Variants in TMPRSS6 observed in about 807,000 individuals in gnomAD.
TMPRSS6 encodes transmembrane protease serine 6.
A neutral mutation model predicts 101.5 loss-of-function variants in TMPRSS6; 67 were observed. That is an observed-to-expected ratio of 0.66 (90% confidence interval 0.54 to 0.81). The LOEUF (loss-of-function observed/expected upper bound fraction) is 0.81. Among genes scored for constraint, TMPRSS6 ranks in the 30% least tolerant of loss-of-function variants. The pLI, the probability that TMPRSS6 is intolerant of heterozygous loss-of-function variation, is 0.00. For synonymous variants in TMPRSS6, 453 were observed against 464.9 expected (o/e 0.97, Z 0.33); for missense variants, 1,034 against 1,088.7 (o/e 0.95, Z 0.71).
chr22:37,075,586 G>T (rs1257431866), intron 10 of TMPRSS6, among the ~76,000 whole-genome samples: 1 of 152,194 alleles, frequency 6.6e-6, no homozygotes, highest in African/African-American at 2.4e-5. Context: ...CCTTCTTTGA[G>T]CCTCACCTTC....
intron 1 of TMPRSS6, among the ~76,000 whole-genome samples, chr22:37,105,943 C>A (rs1370195550): frequency 6.6e-6 from 1 of 152,170 alleles, no homozygotes; most frequent in Admixed American, 6.5e-5. Flanking sequence ...AGCCACCATA[C>A]CTGGCCCTGT....
chr22:37,098,422 C>T lies in TMPRSS6; in HGVS notation c.330G>A (p.Gln110=). 3 of 1,613,940 alleles carry T rather than the reference C, an allele frequency of 1.9e-6. No homozygotes were observed. Among genetic ancestry groups the T allele is most frequent in the East Asian group, 4.5e-5 (2 of 44,868 alleles). ...CCCCCAGATCCTTTCCTACCATCTT[C>T]TGGGCTTTGGCGGTTTCACTGCGGA... ...SAFRSETAKA[Q]KMLKELITST... The change falls in exon 3 of 18, where the codon CAG becomes CAA. Residue 110 remains glutamine (Q), a synonymous_variant. Transcript: ENST00000676104.
At chr22:37,095,012 C>T (rs949763928) in intron 6 of TMPRSS6, among the ~76,000 whole-genome samples, 2 of 152,166 alleles carry the variant, frequency 1.3e-5, no homozygotes, top group East Asian at 1.9e-4. Flanking sequence ...ATTGTGGGTC[C>T]GCTTGGAGAA....
intron 7 of TMPRSS6, among the ~76,000 whole-genome samples, chr22:37,087,948 C>T (rs1010111190): frequency 3.0e-4 from 46 of 152,156 alleles, no homozygotes; most frequent in African/African-American, 1.0e-3. Flanking sequence ...TCCCCCTCAC[C>T]CCCATTCCCT....
intron 6 of TMPRSS6, among the ~76,000 whole-genome samples, chr22:37,090,275 C>T (rs568901517): frequency 1.3e-5 from 2 of 152,196 alleles, no homozygotes. Flanking sequence ...CAGGCCATTC[C>T]GAGGATGGGC....
At chr22:37,086,154 G>A (rs1928740615) in intron 8 of TMPRSS6, 129 bp downstream of exon 8, 2 of 1,288,792 alleles carry the variant, frequency 1.6e-6, no homozygotes, top group Non-Finnish European at 1.1e-6. Context: ...AGCAGCAGGA[G>A]CTTCCAGAAT....
chr22:37,073,356 ATG>A (rs1171462735), intron 13 of TMPRSS6, among the ~76,000 whole-genome samples, 174 bp downstream of exon 13: 18 of 143,576 alleles, frequency 1.3e-4, no homozygotes, highest in African/African-American at 4.4e-4. Flanking sequence ...AGATGGATGG[ATG>A]GATGGATGGA....
intron 6 of TMPRSS6, among the ~76,000 whole-genome samples, chr22:37,090,645 T>C (rs986431382): frequency 6.6e-6 from 1 of 152,244 alleles, no homozygotes; most frequent in Non-Finnish European, 1.5e-5. Flanking sequence ...ATTGTGTCCA[T>C]TGCACAGACC....
Position 37,075,337 on chromosome 22 carries a change from CACAG to C in TMPRSS6, c.1197-61_1197-58del, listed in dbSNP as rs1224800881. 5 of 1,607,290 alleles carry C rather than the reference CACAG, an allele frequency of 3.1e-6. No individual in the cohort carries two copies. The Admixed American group carries it at 6.7e-5, about 21-fold the overall frequency. On this transcript the variant is annotated intron_variant, in intron 10 of 17. Coordinates refer to ENST00000676104, the MANE Select transcript of TMPRSS6 (RefSeq NM_001374504.1). ...ACTGGCTGGTCTCCTGGGTCCCGTG[CACAG>C]ACAGAGCAAGGACAGGCAGCCAGAG...
intron 16 of TMPRSS6, among the ~76,000 whole-genome samples, chr22:37,067,746 T>G (rs1253932354): frequency 1.0e-5 from 1 of 98,780 alleles, no homozygotes; most frequent in Non-Finnish European, 2.1e-5. Flanking sequence ...CAGTTTTTCT[T>G]GAAACTCCCC....
intron 6 of TMPRSS6, among the ~76,000 whole-genome samples, chr22:37,093,463 C>T (rs1323719059): frequency 1.5e-5 from 2 of 134,708 alleles, no homozygotes; most frequent in African/African-American, 2.8e-5. Flanking sequence ...GGCACAACCT[C>T]ACAATCTCAG....
upstream of TMPRSS6, among the ~76,000 whole-genome samples, chr22:37,110,471 G>A (rs1389830628): frequency 6.6e-6 from 1 of 152,082 alleles, no homozygotes; most frequent in East Asian, 1.9e-4. Flanking sequence ...CCGTAGCGCT[G>A]TGCTGTCCAT....
chr22:37,074,594 C>A lies in TMPRSS6; in HGVS notation c.1441+16G>T. 6.2e-7 allele frequency: 1 copy of A among 1,607,902 alleles called. No homozygotes were observed. The highest frequency in any genetic ancestry group is 8.5e-7 in the Non-Finnish European group (1 of 1,174,462). ...GATGGGCAGGGAGAGGAGGGATGCG[C>A]GGGCGGGTTACTCACCGCAGTTTCT... On this transcript the variant is annotated intron_variant, in intron 12 of 17. Coordinates refer to ENST00000676104, the MANE Select transcript of TMPRSS6 (RefSeq NM_001374504.1).
At chr22:37,075,335 T>C in intron 10 of TMPRSS6, 55 bp from the exon 11 acceptor site, 1 of 1,608,244 alleles carries the variant, frequency 6.2e-7, no homozygotes, top group Non-Finnish European at 8.5e-7. Context: ...CTGGGTCCCG[T>C]GCACAGACAG....
At chr22:37,104,463 G>A (rs1242468007) in intron 1 of TMPRSS6, among the ~76,000 whole-genome samples, 1 of 152,138 alleles carries the variant, frequency 6.6e-6, no homozygotes, top group Non-Finnish European at 1.5e-5. Flanking sequence ...AATAGCAACT[G>A]AATGTCGCCC....
At chr22:37,079,018 A>AAAGAAAGAAAGAAAGAAAGG (rs1928043906) in intron 10 of TMPRSS6, among the ~76,000 whole-genome samples, 3 of 94,170 alleles carry the variant, frequency 3.2e-5, no homozygotes, top group East Asian at 4.5e-4. Context: ...AGAAAGAAAG[A>AAAGAAAGAAAGAAAGAAAGG]GAAAGAGAGA....
At chr22:37,083,332 A>G (rs1928411563) in intron 10 of TMPRSS6, among the ~76,000 whole-genome samples, 1 of 152,108 alleles carries the variant, frequency 6.6e-6, no homozygotes, top group Admixed American at 6.6e-5. Context: ...CCAACAATGG[A>G]GCCATGGGAG....
rs529042748 is a variant in TMPRSS6 at position 37,098,529 on chromosome 22, C to T, written c.223G>A (p.Val75Ile). ...AGACTGCCTGAGTACACCTGGCTGA[C>T]CATCACCTCCGCCTTGTACCCTGCC... The part of the protein sequence containing the change: ...YFLGYKAEVM[V>I]SQVYSGSLRV... The change falls in exon 3 of 18, where the codon GTC (valine) becomes ATC (isoleucine). Residue 75 changes from valine (V) to isoleucine (I), a missense_variant. Val to Ile is a conservative substitution (Grantham distance 29). Transcript: ENST00000676104. The T allele has an allele frequency of 2.5e-6, 4 of 1,614,144 alleles. No individual in the cohort carries two copies. In the African/African-American group the frequency reaches 5.3e-5, roughly 22 times the overall value.
At chr22:37,082,819 C>T in intron 10 of TMPRSS6, 1 of 371,634 alleles carries the variant, frequency 2.7e-6, no homozygotes, top group South Asian at 2.0e-5. Flanking sequence ...CATGTTACCC[C>T]CAACAGCATA....
Sources: gnomAD v4.1 joint callset for allele counts (sites outside exome capture counted in the v4.1 genomes callset) on GRCh38, gnomAD v4.1.1 for gene constraint, MANE v1.5 for transcripts, NCBI Gene and HGNC (gene_info 2026-07-23, HGNC 2026-07-21) for gene names.